The following CSMD3 variants were observed in gnomAD, a reference collection of about 807,000 sequenced individuals.
CSMD3 encodes CUB and Sushi multiple domains 3, also known as CUB and sushi domain-containing protein 3.
CSMD3 carries 177 observed loss-of-function variants against 435.2 expected under a neutral mutation model. The observed-to-expected ratio is 0.41, with a 90% CI of 0.36 to 0.46. CSMD3 has a LOEUF of 0.46. Among genes scored for constraint, CSMD3 ranks in the 20% least tolerant of loss-of-function variants. The pLI is 0.34. For synonymous variants in CSMD3, 1,656 were observed against 1,520.5 expected, an observed-to-expected ratio of 1.09 and a Z score of -2.07; for missense variants, 4,265 against 4,504.6, an observed-to-expected ratio of 0.95 and a Z score of 1.52.
chr8:113,314,048 T>G (rs955402652), intron 2 of CSMD3: 1 of 152,226 alleles, frequency 6.6e-6, no homozygotes, highest in South Asian at 2.1e-4. Context: ...CTTTCATTTA[T>G]AGAGGCAAAA....
At chr8:113,365,052 G>A (rs1360701541) in intron 1 of CSMD3, among the ~76,000 whole-genome samples, 1 of 151,978 alleles carries the variant, frequency 6.6e-6, no homozygotes, top group African/African-American at 2.4e-5. Flanking sequence ...CCAATGTTCT[G>A]TAGAATACAT....
intron 22 of CSMD3, among the ~76,000 whole-genome samples, chr8:112,596,868 T>A (rs1410711846): frequency 1.3e-5 from 2 of 150,692 alleles, no homozygotes; most frequent in African/African-American, 4.9e-5. Context: ...TTCAAAGCAG[T>A]GTGTAGAGGG....
At chr8:113,435,630 C>T (rs1433126477) in intron 1 of CSMD3, among the ~76,000 whole-genome samples, 1 of 151,784 alleles carries the variant, frequency 6.6e-6, no homozygotes, top group Non-Finnish European at 1.5e-5. Flanking sequence ...CCCCCCGCGA[C>T]ACACAGACAC....
chr8:112,263,732 A>AGCTAAT lies in CSMD3; in HGVS notation c.9763_9768dup (p.Ile3255_Ser3256dup). Reference sequence around the variant, plus strand: ...AGCTCATAGCCTGGAGAACAGATGTAGCTAATACTAAAGCCCCAGTCGAAA... The same window carrying AGCTAAT: ...AGCTCATAGCCTGGAGAACAGATGTAGCTAATGCTAATACTAAAGCCCCAGTCGAAA... On this transcript the variant is annotated inframe_insertion, in exon 61 of 71. Transcript: ENST00000297405. 3 of 1,613,836 alleles carry AGCTAAT rather than the reference A, an allele frequency of 1.9e-6. No individual in the cohort carries two copies. Among genetic ancestry groups the AGCTAAT allele is most frequent in the Non-Finnish European group, 2.5e-6 (3 of 1,179,768 alleles).
intron 1 of CSMD3, among the ~76,000 whole-genome samples, chr8:113,419,662 C>G (rs745970419): frequency 6.6e-5 from 10 of 152,128 alleles, no homozygotes; most frequent in Admixed American, 1.3e-4. Flanking sequence ...ATAATTTTAT[C>G]AGGAATTCAA....
chr8:112,857,576 G>T (rs1394558204), intron 11 of CSMD3, among the ~76,000 whole-genome samples: 1 of 151,614 alleles, frequency 6.6e-6, no homozygotes, highest in Non-Finnish European at 1.5e-5. Flanking sequence ...CTTGGAAAAA[G>T]ATATTTATAC....
At chr8:112,389,484 T>C (rs1289201564) in intron 36 of CSMD3, among the ~76,000 whole-genome samples, 1 of 152,232 alleles carries the variant, frequency 6.6e-6, no homozygotes, top group African/African-American at 2.4e-5. Flanking sequence ...AGTATGCATC[T>C]ATAATCTTTG....
At chr8:112,693,724 T>A (rs1435470478) in intron 13 of CSMD3, among the ~76,000 whole-genome samples, 1 of 152,002 alleles carries the variant, frequency 6.6e-6, no homozygotes, top group East Asian at 1.9e-4. Flanking sequence ...CATTATTTCC[T>A]TTAAAATGTT....
intron 2 of CSMD3, among the ~76,000 whole-genome samples, chr8:113,288,202 T>C (rs1412091367): frequency 2.6e-5 from 4 of 151,836 alleles, no homozygotes. Flanking sequence ...TGGCATTTTT[T>C]CCTCTATATA....
rs757642380 is a variant in CSMD3 at position 112,224,871 on chromosome 8, G to C, written c.11024C>G (p.Ala3675Gly). The C allele has an allele frequency of 6.2e-7, 1 of 1,614,004 alleles. No individual in the cohort carries two copies. The highest frequency in any genetic ancestry group is 2.2e-5 in the East Asian group (1 of 44,882). The change falls in exon 71 of 71, where the codon GCA (alanine) becomes GGA (glycine). Residue 3675 changes from alanine to glycine, a missense_variant. Around this residue, in one of 3 missense-constraint regions of CSMD3, gnomAD observed 3,255 missense variants for 3,380.2 expected, o/e 0.96. Transcript: ENST00000297405. ...CSVHENNNGQ[A>G]AFENPMYDTN... ...GTCATACATGGGATTTTCAAAAGCT[G>C]CTTGGCCATTGTTATTTTCATGAAC...
intron 2 of CSMD3, among the ~76,000 whole-genome samples, chr8:113,296,937 C>T (rs1223053267): frequency 2.6e-5 from 4 of 151,788 alleles, no homozygotes; most frequent in African/African-American, 7.3e-5. Flanking sequence ...TAAACACAAG[C>T]GAAAAAATAA....
At chr8:112,602,959 G>T (rs1832491716) in intron 22 of CSMD3, among the ~76,000 whole-genome samples, 2 of 152,136 alleles carry the variant, frequency 1.3e-5, no homozygotes, top group South Asian at 4.1e-4. Context: ...TGTCATACAG[G>T]CTGGAGTGCA....
intron 11 of CSMD3, among the ~76,000 whole-genome samples, chr8:112,853,438 C>G (rs2129761675): frequency 6.6e-6 from 1 of 152,242 alleles, no homozygotes; most frequent in East Asian, 1.9e-4. Flanking sequence ...TTTGGCAATG[C>G]TGGTCTCAAA....
intron 53 of CSMD3, among the ~76,000 whole-genome samples, chr8:112,299,892 A>G (rs1430596360): frequency 2.0e-5 from 3 of 151,848 alleles, no homozygotes; most frequent in Non-Finnish European, 4.4e-5. Context: ...ATATTTTCTT[A>G]TAAATATTCC....
chr8:113,195,332 C>A (rs528506009), intron 3 of CSMD3, among the ~76,000 whole-genome samples: 1 of 149,568 alleles, frequency 6.7e-6, no homozygotes, highest in East Asian at 2.0e-4. Context: ...ATTGAAAGAG[C>A]TGAGATCTAG....
intron 32 of CSMD3, among the ~76,000 whole-genome samples, chr8:112,449,763 T>G (rs997710723): frequency 2.0e-5 from 3 of 152,132 alleles, no homozygotes; most frequent in Non-Finnish European, 4.4e-5. Flanking sequence ...ACCATTTGGT[T>G]ACAGGCTGGA....
chr8:113,327,911 C>T (rs1192914812), intron 1 of CSMD3, among the ~76,000 whole-genome samples: 3 of 152,134 alleles, frequency 2.0e-5, no homozygotes, highest in South Asian at 2.1e-4. Flanking sequence ...AAAGCTCTAC[C>T]ATATTCACAA....
chr8:112,751,411 A>G (rs571776652), intron 13 of CSMD3, among the ~76,000 whole-genome samples: 1 of 152,282 alleles, frequency 6.6e-6, no homozygotes, highest in South Asian at 2.1e-4. Context: ...AAATATGTCC[A>G]TAAGAAAGCA....
intron 32 of CSMD3, among the ~76,000 whole-genome samples, chr8:112,439,261 C>G (rs764182999): frequency 2.0e-5 from 3 of 152,148 alleles, no homozygotes; most frequent in Non-Finnish European, 2.9e-5. Flanking sequence ...CTGCCTCACC[C>G]TCCCAAGTAG....
Sources: gnomAD v4.1 joint callset for allele counts (sites outside exome capture counted in the v4.1 genomes callset) on GRCh38, gnomAD v4.1.1 for gene constraint, gnomAD v4.1.1 regional missense constraint, MANE v1.5 for transcripts, NCBI Gene and HGNC (gene_info 2026-07-23, HGNC 2026-07-21) for gene names.